Variants in DLG2 observed in about 807,000 individuals in gnomAD.
DLG2 encodes discs large MAGUK scaffold protein 2.
Under a neutral mutation model 132.5 loss-of-function variants are expected in DLG2, and 45 were observed. The observed-to-expected ratio is 0.34, with a 90% CI of 0.27 to 0.44. DLG2 has a LOEUF of 0.44. DLG2 is among the 20% of genes least tolerant of loss of function. The pLI is 1.00. For missense variants in DLG2, 1,045 were observed against 1,196.9 expected, an observed-to-expected ratio of 0.87 and a Z score of 1.87; for synonymous variants, 424 against 419.6, an observed-to-expected ratio of 1.01 and a Z score of -0.13.
chr11:84,250,896 C>T lies in DLG2; in HGVS notation c.573+342G>A, dbSNP rs553616316. Among the ~76,000 whole-genome samples, 3 of 152,276 alleles carry T rather than the reference C, an allele frequency of 2.0e-5. No individual in the cohort carries two copies. In the East Asian group the frequency reaches 5.8e-4, roughly 29 times the overall value. On this transcript the variant is annotated intron_variant, in intron 8 of 27. Coordinates refer to ENST00000376104, the MANE Select transcript of DLG2 (RefSeq NM_001142699.3). ...GGTTCCAGACTATCACAGAAATTGA[C>T]TTGAATATTCCTTTTATAAGAAACC...
chr11:83,628,212 A>T (rs2062946708), intron 19 of DLG2, among the ~76,000 whole-genome samples: 1 of 152,142 alleles, frequency 6.6e-6, no homozygotes, highest in Admixed American at 6.5e-5. Flanking sequence ...GAAGCTCTTT[A>T]GTTTAATTAG....
intron 19 of DLG2, among the ~76,000 whole-genome samples, chr11:83,626,781 A>G (rs2062609141): frequency 6.6e-6 from 1 of 152,182 alleles, no homozygotes; most frequent in Non-Finnish European, 1.5e-5. Context: ...GAGTCTTTCT[A>G]TCATGTGGCT....
chr11:83,627,200 ATTTAT>A (rs953844558), intron 19 of DLG2, among the ~76,000 whole-genome samples: 9 of 151,546 alleles, frequency 5.9e-5, no homozygotes, highest in South Asian at 2.1e-4. Context: ...TTTTTTATTT[ATTTAT>A]TTTATTTTAT....
At chr11:84,107,832 T>C (rs923704426) in intron 9 of DLG2, among the ~76,000 whole-genome samples, 2 of 152,144 alleles carry the variant, frequency 1.3e-5, no homozygotes, top group African/African-American at 4.8e-5. Flanking sequence ...AGAATGAAGT[T>C]GAAAACTTAA....
intron 6 of DLG2, among the ~76,000 whole-genome samples, chr11:85,036,241 CT>C (rs2154146976): frequency 6.6e-6 from 1 of 152,204 alleles, no homozygotes; most frequent in East Asian, 1.9e-4. Context: ...GATTATACCA[CT>C]TAAAATTACC....
chr11:84,823,603 A>G lies in DLG2; in HGVS notation c.357+288058T>C, dbSNP rs1455421487. Among the ~76,000 whole-genome samples, 4 of 150,796 alleles carry G rather than the reference A, an allele frequency of 2.7e-5. No homozygotes were observed. In the East Asian group the frequency reaches 7.9e-4, roughly 30 times the overall value. On this transcript the variant is annotated intron_variant, in intron 6 of 27. Coordinates refer to ENST00000376104, the MANE Select transcript of DLG2 (RefSeq NM_001142699.3). Reference sequence around the variant, plus strand: ...TATCCACACACACACACACACACACACACACACACACACACACACACACAC... The same window carrying G: ...TATCCACACACACACACACACACACGCACACACACACACACACACACACAC...
intron 6 of DLG2, among the ~76,000 whole-genome samples, chr11:84,647,700 C>T (rs2099676664): frequency 6.6e-6 from 1 of 152,162 alleles, no homozygotes; most frequent in Non-Finnish European, 1.5e-5. Context: ...GATGAGAGCT[C>T]ACATCTAGTC....
rs776600489 is a variant in DLG2 at position 84,316,949 on chromosome 11, C to G, written c.520-65658G>C. On this transcript the variant is annotated intron_variant, in intron 7 of 27. Coordinates refer to ENST00000376104, the MANE Select transcript of DLG2 (RefSeq NM_001142699.3). The stretch of plus-strand genomic sequence containing the variant: ...CCACAAGGTCCTGTTGAAGCTGGAC[C>G]CCCCGGTCCTGTTTGAAGCTGGGCC... 2.5e-6 allele frequency: 4 copies of G among 1,612,636 alleles called. No homozygotes were observed. In the South Asian group the frequency reaches 3.3e-5, roughly 13 times the overall value.
intron 7 of DLG2, among the ~76,000 whole-genome samples, chr11:84,436,813 C>G (rs537626464): frequency 7.9e-5 from 12 of 152,306 alleles, no homozygotes; most frequent in African/African-American, 2.9e-4. Flanking sequence ...ATGGCCACAA[C>G]TACCTGATTA....
intron 2 of DLG2, 119 bp downstream of exon 2, chr11:85,626,468 T>C (rs2082036315): frequency 1.3e-5 from 2 of 152,344 alleles, no homozygotes; most frequent in African/African-American, 4.8e-5. Flanking sequence ...TATGTACCAC[T>C]GAAACTATAT....
intron 4 of DLG2, among the ~76,000 whole-genome samples, chr11:85,156,649 G>A (rs748747842): frequency 6.6e-6 from 1 of 152,154 alleles, no homozygotes; most frequent in African/African-American, 2.4e-5. Flanking sequence ...GTCCTCTGAT[G>A]AGACCCACTG....
At chr11:83,931,502 G>T (rs1173797705) in intron 14 of DLG2, among the ~76,000 whole-genome samples, 2 of 152,164 alleles carry the variant, frequency 1.3e-5, no homozygotes, top group African/African-American at 4.8e-5. Context: ...TTTTACCTCA[G>T]TAGCACCATA....
intron 7 of DLG2, among the ~76,000 whole-genome samples, chr11:84,487,144 G>C (rs1243293135): frequency 4.6e-5 from 7 of 152,082 alleles, no homozygotes; most frequent in African/African-American, 1.7e-4. Flanking sequence ...AAAAGGTACA[G>C]AATGATTAAT....
At chr11:85,214,463 G>A (rs889743844) in intron 4 of DLG2, among the ~76,000 whole-genome samples, 5 of 151,910 alleles carry the variant, frequency 3.3e-5, no homozygotes, top group Middle Eastern at 3.2e-3. Context: ...CTCCCTACAC[G>A]TCCCTGCCCA....
At chr11:83,720,317 A>AAAC in intron 18 of DLG2, among the ~76,000 whole-genome samples, 1 of 148,112 alleles carries the variant, frequency 6.8e-6, no homozygotes, top group Admixed American at 6.8e-5. Flanking sequence ...AAAAAAAAAA[A>AAAC]AAAAAAAAAG....
chr11:83,599,999 T>C (rs1488499746), intron 19 of DLG2, among the ~76,000 whole-genome samples: 2 of 152,210 alleles, frequency 1.3e-5, no homozygotes, highest in Non-Finnish European at 2.9e-5. Flanking sequence ...TTAGATAAAT[T>C]GCCTACAGAT....
chr11:84,674,858 T>C (rs2099709606), intron 6 of DLG2, among the ~76,000 whole-genome samples: 1 of 152,120 alleles, frequency 6.6e-6, no homozygotes, highest in African/African-American at 2.4e-5. Context: ...ATCTTTAATC[T>C]CTAAAATCTA....
chr11:85,462,742 G>A (rs1276017914), intron 3 of DLG2, among the ~76,000 whole-genome samples: 4 of 151,714 alleles, frequency 2.6e-5, no homozygotes, highest in East Asian at 1.9e-4. Flanking sequence ...CATGCCACAT[G>A]TATACATATG....
chr11:83,468,160 C>CAAT (rs1315703855), intron 25 of DLG2, among the ~76,000 whole-genome samples: 2 of 151,910 alleles, frequency 1.3e-5, no homozygotes, highest in Admixed American at 6.6e-5. Flanking sequence ...AATACTAAAT[C>CAAT]AATAATAAGG....
Sources: allele counts gnomAD v4.1 joint callset (sites outside exome capture counted in the v4.1 genomes callset), GRCh38; gene constraint gnomAD v4.1.1; transcripts MANE v1.5; gene names NCBI Gene and HGNC (gene_info 2026-07-23, HGNC 2026-07-21).